ZFR: variants seen among roughly 807,000 people sequenced by gnomAD.
The protein encoded by ZFR is zinc finger RNA-binding protein.
Under a neutral mutation model 130.7 loss-of-function variants are expected in ZFR, and 19 were observed. The observed-to-expected ratio is 0.15, with a 90% CI of 0.10 to 0.21. The LOEUF is 0.21. Ranked by LOEUF, ZFR falls within the 10% of genes least tolerant of loss-of-function variation. The pLI is 1.00. For missense variants in ZFR, 872 were observed against 1,321.5 expected, an observed-to-expected ratio of 0.66 and a Z score of 5.27; for synonymous variants, 466 against 456.9, an observed-to-expected ratio of 1.02 and a Z score of -0.25.
At chr5:32,410,283 CAAAAAA>C (rs3065266) in intron 5 of ZFR, among the ~76,000 whole-genome samples, 2 of 113,114 alleles carry the variant, frequency 1.8e-5, no homozygotes, top group Non-Finnish European at 3.6e-5. Flanking sequence ...ACACTGTCTC[CAAAAAA>C]AAAAAAAAAA....
At position 32,444,270 on chromosome 5, in the gene ZFR, G is replaced by C; in HGVS notation, c.96C>G (p.Thr32=). 2 of 1,562,118 alleles carry C rather than the reference G, an allele frequency of 1.3e-6. No individual in the cohort carries two copies. Among genetic ancestry groups the C allele is most frequent in the East Asian group, 2.4e-5 (1 of 41,794 alleles). The change falls in exon 2 of 20, where the codon ACC becomes ACG. Residue 32 remains threonine, a synonymous_variant. Transcript: ENST00000265069. ...CCGCCGCCGCCGCCGCCCCGCTGTG[G>C]GTGAATCCAAAGTAGTTGCCGGTCG... The part of the protein sequence containing the change: ...KMATGNYFGF[T]HSGAAAAAAA...
rs866266954 is a variant in ZFR, at chr5:32,397,258, C to T, written c.1794G>A (p.Glu598=). The part of the protein sequence containing the change: ...ECSFNDPNAK[E]MHLKGRRHRL... ...TGTGTCTTCGCCCTTTTAAGTGCAT[C>T]TCCTTAGCATTGGGATCATTAAAGC... Residue 598 remains glutamate, a synonymous_variant, in exon 10 of 20, where the codon GAG becomes GAA. Coordinates refer to ENST00000265069, the MANE Select transcript of ZFR (RefSeq NM_016107.5). 1 of 1,612,354 alleles carries T rather than the reference C, an allele frequency of 6.2e-7. No homozygotes were observed.
intron 17 of ZFR, among the ~76,000 whole-genome samples, chr5:32,378,739 T>C (rs1373084488): frequency 6.6e-6 from 1 of 152,090 alleles, no homozygotes; most frequent in Non-Finnish European, 1.5e-5. Flanking sequence ...TCTGAATTTT[T>C]ACAGTTCCCA....
chr5:32,389,261 T>C (rs751379215), intron 12 of ZFR, among the ~76,000 whole-genome samples: 2 of 152,136 alleles, frequency 1.3e-5, no homozygotes, highest in East Asian at 1.9e-4. Context: ...AATTTAGAAG[T>C]AGTAGGTTTT....
At position 32,387,214 on chromosome 5, in the gene ZFR, AT is replaced by A. The variant is rs979597002; in HGVS notation, c.2499+334del. 8.6e-5 allele frequency among the ~76,000 whole-genome samples: 13 copies of A among 150,916 alleles called. No homozygotes were observed. In the East Asian group the frequency reaches 9.7e-4, roughly 11 times the overall value. On this transcript the variant is annotated intron_variant, in intron 14 of 19. Coordinates refer to ENST00000265069, the MANE Select transcript of ZFR (RefSeq NM_016107.5). ...AAAATTTAACCTTGCTACACATGGG[AT>A]TTTTTTTTTAAAAAATCACTTTGTC...
At chr5:32,424,774 C>T (rs547391519) in intron 2 of ZFR, among the ~76,000 whole-genome samples, 1 of 152,194 alleles carries the variant, frequency 6.6e-6, no homozygotes, top group Admixed American at 6.5e-5. Flanking sequence ...ACAATAAATA[C>T]TATTGATAAG....
chr5:32,406,753 TA>T lies in ZFR; in HGVS notation c.1032+20del. The T allele has an allele frequency of 6.3e-7, 1 of 1,598,670 alleles. No individual in the cohort carries two copies. The highest frequency in any genetic ancestry group is 1.1e-5 in the South Asian group (1 of 87,796). ...CTTAATAACCACTGAAGACTCAAGG[TA>T]AAACATACAACGTAAGTACCTGTGG... On this transcript the variant is annotated intron_variant, in intron 6 of 19. Coordinates refer to ENST00000265069, the MANE Select transcript of ZFR (RefSeq NM_016107.5).
intron 19 of ZFR, among the ~76,000 whole-genome samples, chr5:32,358,844 G>C (rs1752369967): frequency 6.6e-6 from 1 of 152,094 alleles, no homozygotes; most frequent in African/African-American, 2.4e-5. Context: ...GGAAGGGAAG[G>C]CAAACTTTGG....
At chr5:32,415,483 G>GGTGT in intron 4 of ZFR, among the ~76,000 whole-genome samples, 1 of 68,222 alleles carries the variant, frequency 1.5e-5, no homozygotes, top group South Asian at 7.7e-4. Flanking sequence ...TTTCTGAAAA[G>GGTGT]GAGTGTGTGT....
chr5:32,398,464 C>G (rs1323262306), intron 9 of ZFR, among the ~76,000 whole-genome samples: 2 of 152,110 alleles, frequency 1.3e-5, no homozygotes, highest in Middle Eastern at 6.3e-3. Context: ...ATTGTCCAAG[C>G]TTTAAGATAG....
intron 12 of ZFR, among the ~76,000 whole-genome samples, chr5:32,389,263 G>C (rs1753108134): frequency 6.6e-6 from 1 of 152,116 alleles, no homozygotes; most frequent in Admixed American, 6.5e-5. Context: ...TTTAGAAGTA[G>C]TAGGTTTTGG....
At chr5:32,383,697 C>A (rs1752980970) in intron 15 of ZFR, 1 of 454,118 alleles carries the variant, frequency 2.2e-6, no homozygotes, top group Admixed American at 2.4e-5. Context: ...CCAAAGCAAG[C>A]TATAGGCTTT....
intron 15 of ZFR, among the ~76,000 whole-genome samples, chr5:32,385,036 T>C (rs548341681): frequency 2.0e-5 from 3 of 152,082 alleles, no homozygotes; most frequent in Non-Finnish European, 4.4e-5. Flanking sequence ...CATTATTATA[T>C]ATATATGTAT....
intron 3 of ZFR, among the ~76,000 whole-genome samples, chr5:32,418,787 A>T (rs930583510): frequency 4.6e-5 from 7 of 152,212 alleles, no homozygotes; most frequent in Admixed American, 4.6e-4. Flanking sequence ...AAAACCAGGG[A>T]AAGTTCAGAA....
At chr5:32,384,555 T>C (rs1432009747) in intron 15 of ZFR, among the ~76,000 whole-genome samples, 3 of 152,162 alleles carry the variant, frequency 2.0e-5, no homozygotes, top group Non-Finnish European at 4.4e-5. Flanking sequence ...ACAAATGAAT[T>C]TTAATATTAA....
In ZFR at chr5:32,354,857, T is replaced by C. The variant is rs750131610; in HGVS notation, c.*903A>G. ...TTGAAAATATTGGTTAGCCCACTTA[T>C]ATGTGAAAAATGCCCTTTCCACTTA... On this transcript the variant is annotated 3_prime_UTR_variant, in exon 20 of 20. Coordinates refer to ENST00000265069, the MANE Select transcript of ZFR (RefSeq NM_016107.5). 2 of 152,414 alleles carry C rather than the reference T, an allele frequency of 1.3e-5. No individual in the cohort carries two copies. Among genetic ancestry groups the C allele is most frequent in the East Asian group, 1.9e-4 (1 of 5,194 alleles). The allele number at this position is 152,414 out of a possible 1,614,324, so 9.4% of individuals were successfully genotyped here.
chr5:32,388,804 T>A, intron 12 of ZFR, 130 bp from the exon 13 acceptor site: 1 of 912,886 alleles, frequency 1.1e-6, no homozygotes, highest in Non-Finnish European at 1.6e-6. Flanking sequence ...TCCATTTCAG[T>A]AAAAACGAAA....
At chr5:32,385,403 C>T (rs548545821) in intron 15 of ZFR, 105 bp downstream of exon 15, 4 of 1,317,242 alleles carry the variant, frequency 3.0e-6, no homozygotes, top group African/African-American at 1.5e-5. Context: ...ATCAAATTCA[C>T]GTGTAATGCC....
At chr5:32,404,182 C>T (rs1308668075) in intron 6 of ZFR, 85 bp from the exon 7 acceptor site, 2 of 1,273,920 alleles carry the variant, frequency 1.6e-6, no homozygotes, top group African/African-American at 3.0e-5. Context: ...ATCTCTAATA[C>T]TCATCTAAAA....
Sources: gnomAD v4.1 joint callset for allele counts (sites outside exome capture counted in the v4.1 genomes callset) on GRCh38, gnomAD v4.1.1 for gene constraint, MANE v1.5 for transcripts, NCBI Gene and HGNC (gene_info 2026-07-23, HGNC 2026-07-21) for gene names.